Variants in PITPNM3 observed in about 807,000 individuals in gnomAD.
PITPNM3 encodes the protein PITPNM family member 3.
PITPNM3 carries 26 observed loss-of-function variants against 102.0 expected under a neutral mutation model. That is an observed-to-expected ratio of 0.25 (90% CI 0.19 to 0.35). The LOEUF (loss-of-function observed/expected upper bound fraction) is 0.35. Ranked by LOEUF, PITPNM3 falls within the 10% of genes least tolerant of loss-of-function variation. The probability of loss-of-function intolerance (pLI) is 1.00; values close to 1 mark genes in which losing one functional copy is unlikely to be tolerated. For missense variants in PITPNM3, 1,083 were observed against 1,346.1 expected, an observed-to-expected ratio of 0.80 and a Z score of 3.06; for synonymous variants, 578 against 558.6, an observed-to-expected ratio of 1.03 and a Z score of -0.49.
At position 6,458,498 on chromosome 17, in the gene PITPNM3, G is replaced by A. The variant is rs537019095; in HGVS notation, c.2491-776C>T. ...GTGAAGGATCTACCACCTCCCACCC[G>A]GCCTGGCAGCTTCGCACCTTCTTTC... On this transcript the variant is annotated intron_variant, in intron 18 of 19. Transcript: ENST00000262483. This position sits in a 1 kb window ranked among gnomAD's most constrained non-coding sequence, Gnocchi z 5.1. 6.6e-6 allele frequency among the ~76,000 whole-genome samples: 1 copy of A among 152,064 alleles called. No individual in the cohort carries two copies. Among genetic ancestry groups the A allele is most frequent in the Non-Finnish European group, 1.5e-5 (1 of 68,022 alleles).
Position 6,470,172 on chromosome 17 carries a change from C to A in PITPNM3, c.1773+88G>T. The A allele has an allele frequency of 1.4e-6, 2 of 1,426,526 alleles. No homozygotes were observed. The highest frequency in any genetic ancestry group is 2.4e-5 in the South Asian group (2 of 81,668). 88.4% of individuals were successfully genotyped at this position (1,426,526 alleles called of 1,614,324 possible). ...ATCAAGGCCAAAAGCTGAACAGTGT[C>A]TGCAAGAATAGCCTCCTCTCCAGCT... On this transcript the variant is annotated intron_variant, in intron 13 of 19. Coordinates refer to ENST00000262483, the MANE Select transcript of PITPNM3 (RefSeq NM_031220.4). The surrounding 1 kb of genome is among the most constrained non-coding windows in gnomAD (Gnocchi z 4.8).
At position 6,472,717 on chromosome 17, in the gene PITPNM3, G is replaced by A; in HGVS notation, c.1369C>T (p.Pro457Ser). Residue 457 changes from proline (P) to serine (S), a missense_variant, in exon 11 of 20, where the codon CCT becomes TCT. By Grantham distance (74) the Pro-to-Ser change is moderately conservative. This residue lies in a region of PITPNM3 where 410 missense variants were observed against 638.4 expected (regional missense o/e 0.64). Coordinates refer to ENST00000262483, the MANE Select transcript of PITPNM3 (RefSeq NM_031220.4). This position sits in a 1 kb window ranked among gnomAD's most constrained non-coding sequence, Gnocchi z 4.1. ...LLEPKFHLVP[P>S]VSVPRYQRFP... Reference sequence around the variant, plus strand: ...CTCTGGTAGCGAGGCACGCTGACAGGCGGCACCAGGTGGAACTTGGGCTCC... The same window carrying A: ...CTCTGGTAGCGAGGCACGCTGACAGACGGCACCAGGTGGAACTTGGGCTCC... The A allele has an allele frequency of 6.2e-7, 1 of 1,614,068 alleles. No homozygotes were observed.
chr17:6,499,921 C>T (rs1036076067), intron 4 of PITPNM3, among the ~76,000 whole-genome samples: 17 of 151,982 alleles, frequency 1.1e-4, no homozygotes, highest in Admixed American at 3.3e-4. Flanking sequence ...AGTAGAGATG[C>T]GGCTTCACCG....
At chr17:6,506,440 C>T (rs1294608498) in intron 3 of PITPNM3, among the ~76,000 whole-genome samples, 4 of 149,816 alleles carry the variant, frequency 2.7e-5, no homozygotes, top group Non-Finnish European at 5.9e-5. Context: ...GGTGCGATTT[C>T]GGCTCACTGT....
chr17:6,542,845 G>A (rs770583549), intron 1 of PITPNM3, among the ~76,000 whole-genome samples: 10 of 152,198 alleles, frequency 6.6e-5, no homozygotes, highest in South Asian at 6.2e-4. Context: ...ACCTCCTCCT[G>A]AAGACCCTCC....
intron 1 of PITPNM3, among the ~76,000 whole-genome samples, chr17:6,553,453 C>G (rs879841365): frequency 6.6e-6 from 1 of 152,202 alleles, no homozygotes; most frequent in Non-Finnish European, 1.5e-5. Context: ...CCTTTTAGCT[C>G]TTGTCCGACA....
At chr17:6,497,196 G>A (rs1211682535) in intron 4 of PITPNM3, among the ~76,000 whole-genome samples, 1 of 152,196 alleles carries the variant, frequency 6.6e-6, no homozygotes, top group Non-Finnish European at 1.5e-5. Context: ...CCGTGGGCAA[G>A]GGGCTTCACG....
At position 6,483,601 on chromosome 17, in the gene PITPNM3, T is replaced by C. The variant is rs748255179; in HGVS notation, c.503A>G (p.His168Arg). ...GATGTGGCCCAGGGCAGCAGGGAAA[T>C]GGGCTCGTGTGACCTTCTCCAGCAC... Reference protein sequence around the residue: ...SSVLEKVTRAHFPAALGHILI... With the variant: ...SSVLEKVTRARFPAALGHILI... Residue 168 changes from histidine to arginine, a missense_variant, in exon 6 of 20, where the codon CAT becomes CGT. Physicochemically the swap from His to Arg is conservative, Grantham distance 29. Coordinates refer to ENST00000262483, the MANE Select transcript of PITPNM3 (RefSeq NM_031220.4). 38 of 1,613,712 alleles carry C rather than the reference T, an allele frequency of 2.4e-5. No homozygotes were observed. The highest frequency in any genetic ancestry group is 2.9e-5 in the Non-Finnish European group (34 of 1,179,982).
In PITPNM3 at chr17:6,537,006, G is replaced by A. The variant is rs889652769; in HGVS notation, c.118+981C>T. Among the ~76,000 whole-genome samples the A allele has an allele frequency of 1.4e-4, 22 of 152,122 alleles. 1 individual carries two copies. Among genetic ancestry groups the A allele is most frequent in the African/African-American group, 5.3e-4 (22 of 41,426 alleles). ...AGACCGATTCTACCTTCCCATGCCT[G>A]TACACCTGCCTGGGTACTCGTGCCT... On this transcript the variant is annotated intron_variant, in intron 2 of 19. Coordinates refer to ENST00000262483, the MANE Select transcript of PITPNM3 (RefSeq NM_031220.4). The surrounding 1 kb of genome is among the most constrained non-coding windows in gnomAD (Gnocchi z 4.4).
chr17:6,462,778 G>A (rs1371904877), intron 17 of PITPNM3, among the ~76,000 whole-genome samples: 1 of 152,202 alleles, frequency 6.6e-6, no homozygotes, highest in Non-Finnish European at 1.5e-5. Flanking sequence ...ACTCAGGGGT[G>A]CAGGGATCAC....
At chr17:6,463,608 T>C (rs76156693) in intron 17 of PITPNM3, 124 bp downstream of exon 17, 37,855 of 1,375,718 alleles carry the variant, frequency 0.028, 1,044 homozygotes, top group South Asian at 0.1. Flanking sequence ...CCAGGGCTTC[T>C]CAGCTCGCAG....
intron 3 of PITPNM3, among the ~76,000 whole-genome samples, chr17:6,505,519 G>A (rs572870570): frequency 3.3e-5 from 5 of 152,280 alleles, no homozygotes; most frequent in Admixed American, 6.5e-5. Context: ...TAGGATGGAC[G>A]CAGACTGTTT....
At chr17:6,543,728 C>T (rs999536412) in intron 1 of PITPNM3, among the ~76,000 whole-genome samples, 3 of 152,134 alleles carry the variant, frequency 2.0e-5, no homozygotes, top group Admixed American at 6.5e-5. Context: ...CGTCCTGGCC[C>T]GTGTGAAATT....
intron 2 of PITPNM3, among the ~76,000 whole-genome samples, chr17:6,529,126 G>A (rs994860852): frequency 2.6e-5 from 4 of 152,128 alleles, no homozygotes; most frequent in African/African-American, 9.7e-5. Context: ...GCTCCAAGCT[G>A]AGCCTCACCC....
rs755446013 is a variant in PITPNM3 at position 6,459,845 on chromosome 17, C to CTA, written c.2490+1526_2490+1527dup. Among the ~76,000 whole-genome samples the CTA allele has an allele frequency of 1.2e-4, 18 of 152,072 alleles. No homozygotes were observed. The highest frequency in any genetic ancestry group is 2.1e-4 in the Non-Finnish European group (14 of 68,026). ...GCATCCAACCATCCCTGAGCCCCGA[C>CTA]TATTCCACCTCCTAATCCTGTCCAT... On this transcript the variant is annotated intron_variant, in intron 18 of 19. Transcript: ENST00000262483. The surrounding 1 kb of genome is among the most constrained non-coding windows in gnomAD (Gnocchi z 5.0).
chr17:6,473,680 G>A lies in PITPNM3; in HGVS notation c.1258+752C>T, dbSNP rs565024253. 9.2e-5 allele frequency among the ~76,000 whole-genome samples: 14 copies of A among 152,236 alleles called. No homozygotes were observed. The South Asian group carries it at 2.7e-3, about 29-fold the overall frequency. ...TTTAGAGGAGCAGGAAAAGGCATTC[G>A]AGGTTGCAGGTATTAGCCGGGCACG... On this transcript the variant is annotated intron_variant, in intron 10 of 19. Coordinates refer to ENST00000262483, the MANE Select transcript of PITPNM3 (RefSeq NM_031220.4).
chr17:6,544,498 C>T (rs1488381905), intron 1 of PITPNM3, among the ~76,000 whole-genome samples: 3 of 152,062 alleles, frequency 2.0e-5, no homozygotes, highest in Non-Finnish European at 4.4e-5. Flanking sequence ...TGCCACTGCC[C>T]TCCAGCCTGG....
At chr17:6,477,913 C>T in intron 8 of PITPNM3, 62 bp downstream of exon 8, 2 of 1,602,246 alleles carry the variant, frequency 1.2e-6, no homozygotes, top group Admixed American at 1.7e-5. Flanking sequence ...CACTCTCTCC[C>T]CGAGGGGCAG....
chr17:6,556,428 C>T lies in PITPNM3; in HGVS notation c.-22G>A. 7.9e-7 allele frequency: 1 copy of T among 1,262,068 alleles called. No individual in the cohort carries two copies. The allele number at this position is 1,262,068 out of a possible 1,614,324, so 78.2% of individuals were successfully genotyped here. On this transcript the variant is annotated 5_prime_UTR_variant, in exon 1 of 20. Transcript: ENST00000262483. The surrounding 1 kb of genome is among the most constrained non-coding windows in gnomAD (Gnocchi z 5.2). ...CCATGTCCCGGGCGGCGGGCTCCGGCGGCGCTACGCGCGCTCCTCGCGCTT... is the reference window on the plus strand; with the variant it reads ...CCATGTCCCGGGCGGCGGGCTCCGGTGGCGCTACGCGCGCTCCTCGCGCTT...
Sources: gnomAD v4.1 joint callset for allele counts (sites outside exome capture counted in the v4.1 genomes callset) on GRCh38, gnomAD v4.1.1 for gene constraint, gnomAD v4.1.1 regional missense constraint, Gnocchi (gnomAD v3.1) non-coding constraint, MANE v1.5 for transcripts, NCBI Gene and HGNC (gene_info 2026-07-23, HGNC 2026-07-21) for gene names.